The following SMARCC1 variants were observed in gnomAD, a reference collection of about 807,000 sequenced individuals.
SMARCC1 encodes the protein SWI/SNF related BAF chromatin remodeling complex subunit C1.
SMARCC1 carries 43 observed loss-of-function variants against 147.4 expected under a neutral mutation model. The observed-to-expected ratio is 0.29, with a 90% CI of 0.23 to 0.38. SMARCC1 has a LOEUF of 0.38. Among genes scored for constraint, SMARCC1 ranks in the 10% least tolerant of loss-of-function variants. The pLI is 1.00. For synonymous variants in SMARCC1, 495 were observed against 484.4 expected (o/e 1.02, Z -0.29); for missense variants, 1,119 against 1,381.1 (o/e 0.81, Z 3.01).
chr3:47,744,936 T>C (rs2034549829), intron 3 of SMARCC1, among the ~76,000 whole-genome samples: 1 of 152,106 alleles, frequency 6.6e-6, no homozygotes, highest in African/African-American at 2.4e-5. Context: ...GATAGCAAAA[T>C]GGAATACTCT....
At chr3:47,719,046 G>A (rs1008597080) in intron 7 of SMARCC1, among the ~76,000 whole-genome samples, 37 of 152,176 alleles carry the variant, frequency 2.4e-4, no homozygotes, top group Non-Finnish European at 4.3e-4. Flanking sequence ...CCAAGTAGCT[G>A]GGACTACAGG....
At chr3:47,693,980 A>G (rs535404077) in intron 11 of SMARCC1, among the ~76,000 whole-genome samples, 1 of 152,318 alleles carries the variant, frequency 6.6e-6, no homozygotes, top group South Asian at 2.1e-4. Context: ...TATCTTTTAT[A>G]CATCCACATG....
chr3:47,765,441 A>G (rs1186272977), intron 2 of SMARCC1, among the ~76,000 whole-genome samples: 1 of 151,970 alleles, frequency 6.6e-6, no homozygotes, highest in Admixed American at 6.6e-5. Flanking sequence ...CACTTTCTAT[A>G]TATTTTACAA....
intron 8 of SMARCC1, 82 bp downstream of exon 8, chr3:47,714,333 A>T: frequency 1.2e-6 from 1 of 808,938 alleles, no homozygotes; most frequent in South Asian, 1.5e-5. Context: ...ACTCCACTCT[A>T]GCCTGGGCGA....
At chr3:47,603,309 C>T (rs1165474043) in intron 26 of SMARCC1, 1 of 152,076 alleles carries the variant, frequency 6.6e-6, no homozygotes, top group Non-Finnish European at 1.5e-5. Flanking sequence ...GTAATCCCAG[C>T]TACTCGGGAG....
At chr3:47,636,971 A>G (rs1056802591) in intron 22 of SMARCC1, among the ~76,000 whole-genome samples, 2 of 152,180 alleles carry the variant, frequency 1.3e-5, no homozygotes, top group Non-Finnish European at 2.9e-5. Context: ...TAATTTCAGG[A>G]AGAACCATGA....
intron 7 of SMARCC1, among the ~76,000 whole-genome samples, chr3:47,715,639 A>G (rs1405221384): frequency 2.0e-5 from 3 of 152,168 alleles, no homozygotes; most frequent in South Asian, 2.1e-4. Flanking sequence ...ACATCACTCT[A>G]CTGATCCAAC....
intron 6 of SMARCC1, among the ~76,000 whole-genome samples, chr3:47,724,489 C>T (rs944314274): frequency 6.6e-6 from 1 of 152,206 alleles, no homozygotes; most frequent in Non-Finnish European, 1.5e-5. Context: ...CAACCCAAGA[C>T]CCATGAGCTA....
chr3:47,768,120 G>A (rs766803775), intron 2 of SMARCC1, among the ~76,000 whole-genome samples: 3 of 152,156 alleles, frequency 2.0e-5, no homozygotes, highest in Non-Finnish European at 4.4e-5. Context: ...GATTACAGGT[G>A]TGAGCCATGC....
chr3:47,657,889 C>T (rs1437600185), intron 21 of SMARCC1, among the ~76,000 whole-genome samples: 1 of 151,790 alleles, frequency 6.6e-6, no homozygotes, highest in Non-Finnish European at 1.5e-5. Flanking sequence ...TAGAATGTCG[C>T]AAAAGCAGTG....
chr3:47,695,248 C>T lies in SMARCC1; in HGVS notation c.1166-1948G>A, dbSNP rs969941056. 4.6e-5 allele frequency among the ~76,000 whole-genome samples: 7 copies of T among 152,236 alleles called. No homozygotes were observed. In the East Asian group the frequency reaches 7.7e-4, roughly 17 times the overall value. ...ACCAGGGATGCTGAGGCACAAGAAA[C>T]GCTTGAGCCTAGGAGGTGAAGTCTG... On this transcript the variant is annotated intron_variant, in intron 11 of 27. Coordinates refer to ENST00000254480, the MANE Select transcript of SMARCC1 (RefSeq NM_003074.4).
At chr3:47,704,504 A>G (rs1259876647) in intron 10 of SMARCC1, among the ~76,000 whole-genome samples, 9 of 152,184 alleles carry the variant, frequency 5.9e-5, no homozygotes, top group Admixed American at 3.9e-4. Flanking sequence ...ATCTTGGTTC[A>G]ATAACCACTG....
At position 47,737,822 on chromosome 3, in the gene SMARCC1, A is replaced by ATT. The variant is rs71070219; in HGVS notation, c.483+205_483+206dup. Among the ~76,000 whole-genome samples the ATT allele has an allele frequency of 7.6e-4, 102 of 133,600 alleles. 1 individual carries two copies. The highest frequency in any genetic ancestry group is 3.8e-3 in the Middle Eastern group (1 of 262). The allele number at this position is 133,600 out of a possible 152,430, so 87.6% of individuals were successfully genotyped here. A position where few individuals can be genotyped will look rare whatever the true frequency, so the allele number is the denominator to read the frequency against. ...AGGTACCCGGAACCACGTGCGGCTA[A>ATT]TTTTTTTTTTTTTTTTTTTTAAGTA... is the stretch of plus-strand genomic sequence containing the variant. On this transcript the variant is annotated intron_variant, in intron 4 of 27. Coordinates refer to ENST00000254480, the MANE Select transcript of SMARCC1 (RefSeq NM_003074.4).
chr3:47,638,700 T>C (rs1433652871), intron 22 of SMARCC1, 25 bp downstream of exon 22: 2 of 1,593,970 alleles, frequency 1.3e-6, no homozygotes, highest in African/African-American at 2.7e-5. Flanking sequence ...ATGCTATCTG[T>C]GGTTTTACTG....
At chr3:47,763,738 T>A (rs1392506182) in intron 2 of SMARCC1, among the ~76,000 whole-genome samples, 1 of 151,838 alleles carries the variant, frequency 6.6e-6, no homozygotes, top group African/African-American at 2.4e-5. Context: ...GTTTTTTTTC[T>A]CAAACAGGGA....
intron 1 of SMARCC1, 83 bp from the exon 2 acceptor site, chr3:47,773,019 T>G (rs1168540590): frequency 7.9e-7 from 1 of 1,258,108 alleles, no homozygotes; most frequent in African/African-American, 1.5e-5. Context: ...ACCTACTAAG[T>G]ACTTACGTTA....
intron 14 of SMARCC1, among the ~76,000 whole-genome samples, chr3:47,680,798 C>T (rs1358222412): frequency 3.3e-5 from 5 of 152,030 alleles, no homozygotes; most frequent in South Asian, 2.1e-4. Flanking sequence ...CCGCCCGCCT[C>T]GGCCTCCCAA....
At chr3:47,679,212 CAAAAA>C (rs577481119) in intron 15 of SMARCC1, among the ~76,000 whole-genome samples, 1 of 93,486 alleles carries the variant, frequency 1.1e-5, no homozygotes, top group African/African-American at 4.0e-5. Flanking sequence ...GACTTTGTCT[CAAAAA>C]AAAAAAAAAA....
intron 7 of SMARCC1, among the ~76,000 whole-genome samples, chr3:47,718,288 T>C (rs1428413524): frequency 6.6e-6 from 1 of 150,638 alleles, no homozygotes; most frequent in Non-Finnish European, 1.5e-5. Flanking sequence ...CTACTAAAAA[T>C]ACAGAAATTA....
Sources: gnomAD v4.1 joint callset for allele counts (sites outside exome capture counted in the v4.1 genomes callset) on GRCh38, gnomAD v4.1.1 for gene constraint, MANE v1.5 for transcripts, NCBI Gene and HGNC (gene_info 2026-07-23, HGNC 2026-07-21) for gene names.